The following OXR1 variants were observed in gnomAD, a reference collection of about 807,000 sequenced individuals.
OXR1 encodes oxidation resistance protein 1.
OXR1 carries 41 observed loss-of-function variants against 104.6 expected under a neutral mutation model. The observed-to-expected ratio is 0.39, with a 90% CI of 0.31 to 0.51. OXR1 has a LOEUF of 0.51. Among genes scored for constraint, OXR1 ranks in the 20% least tolerant of loss-of-function variants. The probability of loss-of-function intolerance (pLI) is 0.77; values close to 1 mark genes in which losing one functional copy is unlikely to be tolerated. For synonymous variants in OXR1, 348 were observed against 348.4 expected (o/e 1.00, Z 0.01); for missense variants, 955 against 1,031.9 (o/e 0.93, Z 1.02).
chr8:106,449,215 A>C (rs1182423713), intron 2 of OXR1, among the ~76,000 whole-genome samples: 1 of 152,166 alleles, frequency 6.6e-6, no homozygotes, highest in Non-Finnish European at 1.5e-5. Flanking sequence ...TACCCCTCTG[A>C]TCACTTTTGA....
chr8:106,379,537 C>CTTTTTTTTTTTTTTTTTT (rs60855438), intron 2 of OXR1, among the ~76,000 whole-genome samples: 27 of 108,398 alleles, frequency 2.5e-4, no homozygotes, highest in African/African-American at 6.6e-4. Flanking sequence ...TTCTTTCTTT[C>CTTTTTTTTTTTTTTTTTT]TTTTTTTTTT....
intron 3 of OXR1, among the ~76,000 whole-genome samples, chr8:106,530,105 A>G (rs1813982674): frequency 6.6e-6 from 1 of 152,230 alleles, no homozygotes; most frequent in South Asian, 2.1e-4. Context: ...AAACATTTAT[A>G]GATAGAACTA....
chr8:106,710,753 A>G lies in OXR1; in HGVS notation c.1756A>G (p.Lys586Glu). The G allele has an allele frequency of 6.4e-7, 1 of 1,558,286 alleles. No individual in the cohort carries two copies. The highest frequency in any genetic ancestry group is 8.7e-7 in the Non-Finnish European group (1 of 1,151,336). ...ATMQQYAQRDKKHEYWFAVPQ... is the reference protein window; with the variant it reads ...ATMQQYAQRDEKHEYWFAVPQ... ...AATGCAACAGTATGCACAGAGAGAT[A>G]AGAAACATGAATATTGGTTTGCTGT... The change falls in exon 10 of 17, where the codon AAG (lysine) becomes GAG (glutamate). Residue 586 changes from lysine (K) to glutamate (E), a missense_variant. Lys to Glu is a moderately conservative substitution (Grantham distance 56). This residue lies in a region of OXR1 where 849 missense variants were observed against 852.9 expected (regional missense o/e 1.00). Transcript: ENST00000517566.
At chr8:106,581,493 CTG>C (rs1473589771) in intron 3 of OXR1, among the ~76,000 whole-genome samples, 1 of 151,124 alleles carries the variant, frequency 6.6e-6, no homozygotes, top group Non-Finnish European at 1.5e-5. Context: ...TATTTTGATT[CTG>C]TGTTTTTTTT....
At chr8:106,672,554 GAGAA>G (rs1827149968) in intron 3 of OXR1, among the ~76,000 whole-genome samples, 7 of 117,174 alleles carry the variant, frequency 6.0e-5, no homozygotes, top group South Asian at 3.2e-4. Flanking sequence ...AAAAGAAAGA[GAGAA>G]AGGAAGGAAG....
At chr8:106,342,532 G>A (rs1815300542) in intron 1 of OXR1, among the ~76,000 whole-genome samples, 1 of 152,066 alleles carries the variant, frequency 6.6e-6, no homozygotes, top group Admixed American at 6.6e-5. Flanking sequence ...TAGGATTATA[G>A]GCATGAGCCA....
At chr8:106,675,513 G>T (rs1827493839) in intron 3 of OXR1, among the ~76,000 whole-genome samples, 1 of 152,078 alleles carries the variant, frequency 6.6e-6, no homozygotes, top group Non-Finnish European at 1.5e-5. Flanking sequence ...GTTCTTATTA[G>T]TTGCAAAGAA....
chr8:106,742,363 ACATACTGCCCAAAG>A (rs1211267757), intron 15 of OXR1, 46 bp downstream of exon 15: 1 of 1,090,050 alleles, frequency 9.2e-7, no homozygotes, highest in South Asian at 1.3e-5. Context: ...AGTTGACATA[ACATACTGCCCAAAG>A]CAATTTATAG....
At chr8:106,342,842 A>T (rs1815312637) in intron 1 of OXR1, among the ~76,000 whole-genome samples, 1 of 152,172 alleles carries the variant, frequency 6.6e-6, no homozygotes, top group South Asian at 2.1e-4. Flanking sequence ...TTAAACATTT[A>T]CAGGCAAACT....
chr8:106,460,630 T>C (rs1045196645), intron 2 of OXR1, among the ~76,000 whole-genome samples: 12 of 152,184 alleles, frequency 7.9e-5, no homozygotes, highest in Admixed American at 7.2e-4. Flanking sequence ...TAGAATATTG[T>C]CATTTTATAA....
At chr8:106,547,986 C>G (rs546512761) in intron 3 of OXR1, among the ~76,000 whole-genome samples, 2 of 151,912 alleles carry the variant, frequency 1.3e-5, no homozygotes, top group African/African-American at 4.8e-5. Flanking sequence ...GGGTATATAC[C>G]CAGAAGTGGC....
intron 11 of OXR1, among the ~76,000 whole-genome samples, chr8:106,730,251 G>A (rs1394884350): frequency 6.6e-6 from 1 of 152,070 alleles, no homozygotes; most frequent in Non-Finnish European, 1.5e-5. Flanking sequence ...GTCATGCAGA[G>A]TCTATAGTTT....
At chr8:106,608,480 A>G (rs533195396) in intron 3 of OXR1, among the ~76,000 whole-genome samples, 1 of 152,274 alleles carries the variant, frequency 6.6e-6, no homozygotes, top group South Asian at 2.1e-4. Context: ...ACTATTTTTT[A>G]TCAGAGATCT....
chr8:106,301,123 G>A (rs1212692582), intron 1 of OXR1, among the ~76,000 whole-genome samples: 2 of 152,244 alleles, frequency 1.3e-5, no homozygotes, highest in Non-Finnish European at 2.9e-5. Context: ...AGTGTTTTGG[G>A]GGGCATAACT....
intron 12 of OXR1, 60 bp downstream of exon 12, chr8:106,737,660 C>A: frequency 1.7e-6 from 1 of 589,430 alleles, no homozygotes; most frequent in Non-Finnish European, 2.6e-6. Flanking sequence ...TTTTAGTGTT[C>A]TTTGTCATGG....
chr8:106,396,448 T>A (rs1014370650), intron 2 of OXR1, among the ~76,000 whole-genome samples: 3 of 151,806 alleles, frequency 2.0e-5, no homozygotes, highest in African/African-American at 7.3e-5. Context: ...AGTCTAATTA[T>A]GAGAAAAAAA....
intron 11 of OXR1, among the ~76,000 whole-genome samples, chr8:106,718,284 G>A (rs1470133826): frequency 2.0e-5 from 3 of 152,062 alleles, no homozygotes; most frequent in Admixed American, 1.3e-4. Flanking sequence ...GAAAAATTCC[G>A]TAATATTTTT....
chr8:106,271,038 A>T (rs1484037727), intron 1 of OXR1, among the ~76,000 whole-genome samples: 2 of 151,892 alleles, frequency 1.3e-5, no homozygotes, highest in Non-Finnish European at 2.9e-5. Flanking sequence ...GAAAGGATGG[A>T]TGTAGAAAGT....
At chr8:106,638,253 T>C (rs1823321725) in intron 3 of OXR1, among the ~76,000 whole-genome samples, 1 of 152,212 alleles carries the variant, frequency 6.6e-6, no homozygotes, top group African/African-American at 2.4e-5. Flanking sequence ...CAAAGTTAAC[T>C]ACATATTCCC....
Sources: allele counts gnomAD v4.1 joint callset (sites outside exome capture counted in the v4.1 genomes callset), GRCh38; gene constraint gnomAD v4.1.1; regional missense constraint gnomAD v4.1.1; transcripts MANE v1.5; gene names NCBI Gene and HGNC (gene_info 2026-07-23, HGNC 2026-07-21).